MAGED2: variants seen among roughly 807,000 people sequenced by gnomAD.
MAGED2 encodes the protein melanoma-associated antigen D2.
MAGED2 carries 6 observed loss-of-function variants against 41.7 expected under a neutral mutation model. The observed-to-expected ratio is 0.14, with a 90% CI of 0.08 to 0.28. The LOEUF is 0.28. Ranked by LOEUF, MAGED2 falls within the 10% of genes least tolerant of loss-of-function variation. MAGED2 has a pLI of 1.00. For synonymous variants in MAGED2, 146 were observed against 178.2 expected, an observed-to-expected ratio of 0.82 and a Z score of 1.44; for missense variants, 343 against 486.4, an observed-to-expected ratio of 0.71 and a Z score of 2.77.
intron 6 of MAGED2, 44 bp downstream of exon 6, chrX:54,811,697 G>C: frequency 1.0e-6 from 1 of 982,945 alleles, no homozygotes; most frequent in Non-Finnish European, 1.4e-6. Context: ...GGGAAGCCTT[G>C]AATTGAACAA....
intron 5 of MAGED2, 58 bp from the exon 6 acceptor site, chrX:54,811,504 TCTATAGCTTGGG>T: frequency 1.0e-6 from 1 of 972,126 alleles, no homozygotes; most frequent in Non-Finnish European, 1.5e-6. Flanking sequence ...TGGCAAAGAG[TCTATAGCTTGGG>T]CATCAGGGCC....
In MAGED2 at chrX:54,815,486, A is replaced by G; in HGVS notation, c.1625A>G (p.Gln542Arg). ...GGAGCAGAAGCTAAAGCCAAAGCCC[A>G]AGAGAGTGGCAGTGCCAGCACTGGT... ...QAGAEAKAKA[Q>R]ESGSASTGAS... The change falls in exon 12 of 13, where the codon CAA (glutamine) becomes CGA (arginine). Residue 542 changes from glutamine (Q) to arginine (R), a missense_variant. Gln to Arg is a conservative substitution (Grantham distance 43). Around this residue, in one of 3 missense-constraint regions of MAGED2, gnomAD observed 53 missense variants for 60.4 expected, o/e 0.88. Transcript: ENST00000375068. 2 of 1,200,269 alleles carry G rather than the reference A, an allele frequency of 1.7e-6. No individual in the cohort carries two copies. The highest frequency in any genetic ancestry group is 2.2e-6 in the Non-Finnish European group (2 of 889,180).
chrX:54,810,077 T>A lies in MAGED2; in HGVS notation c.401T>A (p.Val134Asp). The part of the protein sequence containing the change: ...KKVSHVADTK[V>D]NTKAQETEAA... ...GTCAGCCATGTGGCTGATACAAAGG[T>A]CAATACAAAGGCTCAGGAGACTGAG... The change falls in exon 3 of 13, where the codon GTC becomes GAC. Residue 134 changes from valine (V) to aspartate (D), a missense_variant. Around this residue, in one of 3 missense-constraint regions of MAGED2, gnomAD observed 195 missense variants for 221.2 expected, o/e 0.88. Coordinates refer to ENST00000375068, the MANE Select transcript of MAGED2 (RefSeq NM_177433.3). 2.5e-6 allele frequency: 3 copies of A among 1,207,193 alleles called. No homozygotes were observed. The highest frequency in any genetic ancestry group is 4.6e-4 in the Middle Eastern group (2 of 4,344).
intron 1 of MAGED2, among the ~76,000 whole-genome samples, chrX:54,808,659 T>TGGCGCCAAGA (rs1929692033): frequency 9.2e-6 from 1 of 108,662 alleles, no homozygotes; most frequent in East Asian, 3.0e-4. Flanking sequence ...ATGCGCCTGT[T>TGGCGCCAAGA]TGGAGGGGGG....
In MAGED2 at chrX:54,809,841, G is replaced by C. The variant is rs766564460; in HGVS notation, c.165G>C (p.Val55=). Residue 55 remains valine (V), a synonymous_variant, in exon 3 of 13, where the codon GTG becomes GTC. Coordinates refer to ENST00000375068, the MANE Select transcript of MAGED2 (RefSeq NM_177433.3). Reference sequence around the variant, plus strand: ...AGGCACTGGAGGTCTCAGAGGATGTGAAGGTCTCAAAAGCCTCTGGGGTCT... The same window carrying C: ...AGGCACTGGAGGTCTCAGAGGATGTCAAGGTCTCAAAAGCCTCTGGGGTCT... ...ASKALEVSED[V]KVSKASGVSK... is the part of the protein sequence containing the mutation. 3 of 1,198,710 alleles carry C rather than the reference G, an allele frequency of 2.5e-6. No homozygotes were observed. The Admixed American group carries it at 6.8e-5, about 27-fold the overall frequency.
chrX:54,809,670 C>T (rs1929735414), intron 2 of MAGED2, 52 bp from the exon 3 acceptor site: 2 of 1,164,611 alleles, frequency 1.7e-6, no homozygotes, highest in Non-Finnish European at 2.3e-6. Context: ...GAGCCATTTG[C>T]TTAGTTGGGG....
intron 9 of MAGED2, 71 bp downstream of exon 9, chrX:54,813,231 C>T (rs1822396925): frequency 8.3e-7 from 1 of 1,201,424 alleles, no homozygotes; most frequent in East Asian, 3.0e-5. Context: ...CCTAGGATTG[C>T]ATCAGTCTGG....
In MAGED2 at chrX:54,810,178, A is replaced by G. The variant is rs1337917207; in HGVS notation, c.502A>G (p.Thr168Ala). ...AAAQSQENQD[T>A]RPKVKAKKAR... ...TGCCCAGTCTCAGGAGAATCAGGATACTCGGCCCAAGGTCAAAGCCAAGAA... is the reference window on the plus strand; with the variant it reads ...TGCCCAGTCTCAGGAGAATCAGGATGCTCGGCCCAAGGTCAAAGCCAAGAA... The change falls in exon 3 of 13, where the codon ACT becomes GCT. Residue 168 changes from threonine (T) to alanine (A), a missense_variant. Thr to Ala is a moderately conservative substitution (Grantham distance 58, BLOSUM62 0). Transcript: ENST00000375068. 3.4e-6 allele frequency: 4 copies of G among 1,165,484 alleles called. No homozygotes were observed. In the African/African-American group the frequency reaches 7.3e-5, roughly 21 times the overall value.
chrX:54,815,792 T>A (rs1327396824), intron 12 of MAGED2, 89 bp from the exon 13 acceptor site: 1 of 542,366 alleles, frequency 1.8e-6, no homozygotes, highest in East Asian at 3.6e-5. Flanking sequence ...ATGTGGAGAG[T>A]GTGCCAAGAC....
chrX:54,815,149 C>T, intron 11 of MAGED2, 99 bp from the exon 12 acceptor site: 1 of 1,024,927 alleles, frequency 9.8e-7, no homozygotes, highest in Non-Finnish European at 1.3e-6. Context: ...GATGCTTAAT[C>T]CTCTTATGCT....
chrX:54,815,758 T>A, intron 12 of MAGED2, 68 bp downstream of exon 12: 2 of 743,856 alleles, frequency 2.7e-6, no homozygotes, highest in Non-Finnish European at 3.9e-6. Flanking sequence ...TGGATGATTC[T>A]AGGAAGGCCC....
chrX:54,810,577 G>C (rs1287360636), intron 3 of MAGED2, among the ~76,000 whole-genome samples: 1 of 111,762 alleles, frequency 8.9e-6, no homozygotes, highest in Non-Finnish European at 1.9e-5. Flanking sequence ...CCAGTAGTGG[G>C]CACAGAAAGA....
At chrX:54,813,401 C>A (rs1929865443) in intron 9 of MAGED2, 87 bp from the exon 10 acceptor site, 1 of 931,747 alleles carries the variant, frequency 1.1e-6, no homozygotes, top group African/African-American at 1.9e-5. Context: ...TCTTTTCCAT[C>A]TTGGAAATGC....
intron 8 of MAGED2, 47 bp downstream of exon 8, chrX:54,813,071 C>T: frequency 8.3e-7 from 1 of 1,211,695 alleles, no homozygotes; most frequent in South Asian, 1.8e-5. Flanking sequence ...GGTCTAGATT[C>T]CATGTGTTCA....
rs920346291 is a variant in MAGED2, at chrX:54,811,033, C to T, written c.750C>T (p.Ala250=). Residue 250 remains alanine (A), a synonymous_variant, in exon 4 of 13, where the codon GCC becomes GCT. Transcript: ENST00000375068. ...RALLSLRSPK[A]RRGKARRRAA... ...TGCTCTCCCTGAGATCACCTAAAGC[C>T]CGTAGGGGCAAGGCTCGCCGTAGAG... 2.5e-6 allele frequency: 3 copies of T among 1,199,649 alleles called. No homozygotes were observed. Among genetic ancestry groups the T allele is most frequent in the Non-Finnish European group, 3.4e-6 (3 of 889,480 alleles).
At position 54,809,302 on chromosome X, in the gene MAGED2, G is replaced by A; in HGVS notation, c.-29-1G>A. The A allele has an allele frequency of 8.3e-7, 1 of 1,209,092 alleles. No individual in the cohort carries two copies. ...CTTGACCCAGGCCTTCTCCCCTTCAGGCTCAGCTCTTGCCAGGCCAAATTG... is the reference window on the plus strand; with the variant it reads ...CTTGACCCAGGCCTTCTCCCCTTCAAGCTCAGCTCTTGCCAGGCCAAATTG... On this transcript the variant is annotated splice_acceptor_variant, in intron 1 of 12. Coordinates refer to ENST00000375068, the MANE Select transcript of MAGED2 (RefSeq NM_177433.3). LOFTEE classifies it low-confidence loss of function (5UTR_SPLICE).
rs1314084715 is a variant in MAGED2 at position 54,809,460 on chromosome X, C to G, written c.45+84C>G. ...CCCCAAGTCCCTTGGCTCTTCCCCT[C>G]CCATCCTTGTCCTTCTCCACCTACT... On this transcript the variant is annotated intron_variant, in intron 2 of 12. Transcript: ENST00000375068. 3 of 984,603 alleles carry G rather than the reference C, an allele frequency of 3.0e-6. No individual in the cohort carries two copies. In the African/African-American group the frequency reaches 5.7e-5, roughly 19 times the overall value. 81.1% of individuals were successfully genotyped at this position (984,603 alleles called of 1,213,427 possible).
Position 54,812,044 on chromosome X carries a change from C to T in MAGED2, c.991-113C>T, listed in dbSNP as rs1336757034. 16 of 491,384 alleles carry T rather than the reference C, an allele frequency of 3.3e-5. No homozygotes were observed. The Admixed American group carries it at 3.6e-4, about 11-fold the overall frequency. 40.5% of individuals were successfully genotyped at this position (491,384 alleles called of 1,213,427 possible). On this transcript the variant is annotated intron_variant, in intron 6 of 12. Transcript: ENST00000375068. ...CAGGCACTTAGCTATGTACTTTGTG[C>T]GTATTATCTCACTGATTTCTCACAC...
At chrX:54,815,054 T>C (rs1284623861) in intron 11 of MAGED2, among the ~76,000 whole-genome samples, 194 bp from the exon 12 acceptor site, 1 of 112,086 alleles carries the variant, frequency 8.9e-6, no homozygotes, top group Non-Finnish European at 1.9e-5. Flanking sequence ...GGATGGAATA[T>C]TAGGTGCATA....
Sources: allele counts gnomAD v4.1 joint callset (sites outside exome capture counted in the v4.1 genomes callset), GRCh38; gene constraint gnomAD v4.1.1; regional missense constraint gnomAD v4.1.1; transcripts MANE v1.5; gene names NCBI Gene and HGNC (gene_info 2026-07-23, HGNC 2026-07-21).